Variants in KLF8 observed in about 807,000 individuals in gnomAD.
KLF8 encodes Krueppel-like factor 8.
A neutral mutation model predicts 18.2 loss-of-function variants in KLF8; 10 were observed. That is an observed-to-expected ratio of 0.55 (90% CI 0.34 to 0.93). KLF8 has a LOEUF of 0.93. Among genes scored for constraint, KLF8 ranks in the 40% least tolerant of loss-of-function variants. The probability of loss-of-function intolerance (pLI) is 0.02; values close to 1 mark genes in which losing one functional copy is unlikely to be tolerated. For synonymous variants in KLF8, 109 were observed against 97.3 expected (o/e 1.12, Z -0.71); for missense variants, 264 against 277.9 (o/e 0.95, Z 0.36).
chrX:55,997,281 G>A, the KLF8 span, among the ~76,000 whole-genome samples: 21 of 111,941 alleles, frequency 1.9e-4, no homozygotes, highest in South Asian at 3.8e-4. Context: ...TAGCCAGTGC[G>A]GATGGGCATC....
At chrX:55,929,547 G>C in the KLF8 span, among the ~76,000 whole-genome samples, 21 of 111,942 alleles carry the variant, frequency 1.9e-4, no homozygotes, top group East Asian at 5.9e-3. Flanking sequence ...TTTTTGTATA[G>C]GGTGTAAGGA....
the KLF8 span, among the ~76,000 whole-genome samples, chrX:56,017,740 G>T: frequency 9.0e-6 from 1 of 111,483 alleles, no homozygotes; most frequent in Non-Finnish European, 1.9e-5. Context: ...TTTAGTTAAA[G>T]ATAAAAGAAG....
At chrX:56,226,678 T>C in the KLF8 span, among the ~76,000 whole-genome samples, 1 of 112,289 alleles carries the variant, frequency 8.9e-6, no homozygotes, top group African/African-American at 3.2e-5. Flanking sequence ...GGCCATTTAG[T>C]TGTGTGTTTA....
At chrX:56,184,587 C>G in the KLF8 span, among the ~76,000 whole-genome samples, 2 of 112,246 alleles carry the variant, frequency 1.8e-5, no homozygotes, top group Non-Finnish European at 3.8e-5. Context: ...GCGTCCCTGA[C>G]CCCGAACTCC....
At chrX:56,207,552 G>A in the KLF8 span, among the ~76,000 whole-genome samples, 1 of 111,533 alleles carries the variant, frequency 9.0e-6, no homozygotes, top group Non-Finnish European at 1.9e-5. Context: ...AATGCCACCA[G>A]TCTCTTTGCT....
At chrX:55,975,190 A>C in the KLF8 span, among the ~76,000 whole-genome samples, 1 of 111,079 alleles carries the variant, frequency 9.0e-6, no homozygotes, top group Non-Finnish European at 1.9e-5. Flanking sequence ...TGAGATCTAA[A>C]AGATAAAAAG....
upstream of KLF8, among the ~76,000 whole-genome samples, chrX:56,229,925 T>C (rs1204055241): frequency 8.9e-6 from 1 of 112,207 alleles, no homozygotes; most frequent in African/African-American, 3.2e-5. Context: ...TTTTCCAAGT[T>C]TCAATAACTT....
chrX:56,134,877 G>A, the KLF8 span, among the ~76,000 whole-genome samples: 1 of 111,282 alleles, frequency 9.0e-6, no homozygotes, highest in African/African-American at 3.3e-5. Flanking sequence ...ATCCTCAAAA[G>A]AAGATGTACA....
the KLF8 span, among the ~76,000 whole-genome samples, chrX:56,012,043 G>A: frequency 0.22 from 24,301 of 111,070 alleles, 5,437 homozygotes; most frequent in African/African-American, 0.69. Flanking sequence ...AGCTGGTACC[G>A]TTTCTTCTGA....
At chrX:56,089,209 TCA>T in the KLF8 span, among the ~76,000 whole-genome samples, 1 of 111,303 alleles carries the variant, frequency 9.0e-6, no homozygotes, top group African/African-American at 3.3e-5. Context: ...TCTTGCTCTC[TCA>T]GTGCCAAGAT....
At chrX:55,976,117 C>CA in the KLF8 span, among the ~76,000 whole-genome samples, 11 of 111,376 alleles carry the variant, frequency 9.9e-5, no homozygotes, top group South Asian at 3.7e-4. Context: ...CTCAAAAAAA[C>CA]AAAAAAACAT....
intron 5 of KLF8, among the ~76,000 whole-genome samples, chrX:56,274,292 A>G (rs2067093801): frequency 8.9e-6 from 1 of 112,016 alleles, no homozygotes; most frequent in African/African-American, 3.2e-5. Context: ...GCACCTTTTC[A>G]TATGCCTGTT....
the KLF8 span, among the ~76,000 whole-genome samples, chrX:56,124,552 C>T: frequency 9.0e-6 from 1 of 111,512 alleles, no homozygotes. Context: ...CTTTATAAAC[C>T]GTAGGCAATT....
chrX:56,154,782 C>A, the KLF8 span, among the ~76,000 whole-genome samples: 5 of 111,413 alleles, frequency 4.5e-5, no homozygotes, highest in South Asian at 3.8e-4. Flanking sequence ...ACCCCATCAA[C>A]AAGTGGGCAA....
the KLF8 span, among the ~76,000 whole-genome samples, chrX:56,033,771 A>AT: frequency 9.4e-3 from 1,046 of 111,668 alleles, 16 homozygotes; most frequent in African/African-American, 0.032. Flanking sequence ...AATGCTGAAC[A>AT]TTTTTTTCAT....
the KLF8 span, among the ~76,000 whole-genome samples, chrX:56,152,204 A>T: frequency 2.7e-5 from 3 of 111,700 alleles, no homozygotes; most frequent in Non-Finnish European, 5.6e-5. Flanking sequence ...TGAATTCAAC[A>T]AGGTGCTGAA....
At chrX:56,245,808 C>A (rs1326885535) in intron 1 of KLF8, among the ~76,000 whole-genome samples, 1 of 111,876 alleles carries the variant, frequency 8.9e-6, no homozygotes, top group Non-Finnish European at 1.9e-5. Flanking sequence ...GCTGTCTGGT[C>A]TCTCTTAGGC....
chrX:56,115,148 A>C, the KLF8 span, among the ~76,000 whole-genome samples: 1 of 110,900 alleles, frequency 9.0e-6, no homozygotes, highest in Non-Finnish European at 1.9e-5. Flanking sequence ...GCACGCTGGC[A>C]TGTGCCTGTA....
the KLF8 span, among the ~76,000 whole-genome samples, chrX:56,075,943 AT>A: frequency 2.6e-4 from 28 of 109,566 alleles, no homozygotes; most frequent in East Asian, 7.2e-3. Flanking sequence ...TGTTTCCAAA[AT>A]TTTTTTTATT....
Sources: allele counts gnomAD v4.1 joint callset (sites outside exome capture counted in the v4.1 genomes callset), GRCh38; gene constraint gnomAD v4.1.1; transcripts MANE v1.5; gene names NCBI Gene and HGNC (gene_info 2026-07-23, HGNC 2026-07-21).